KCTD16: variants seen among roughly 807,000 people sequenced by gnomAD.
KCTD16 encodes the protein BTB/POZ domain-containing protein KCTD16.
Under a neutral mutation model 33.2 loss-of-function variants are expected in KCTD16, and 13 were observed. That is an observed-to-expected ratio of 0.39 (90% CI 0.25 to 0.62). The LOEUF is 0.62. KCTD16 is among the 20% of genes least tolerant of loss of function. The pLI, the probability that KCTD16 is intolerant of heterozygous loss-of-function variation, is 0.50. For missense variants in KCTD16, 441 were observed against 525.1 expected, an observed-to-expected ratio of 0.84 and a Z score of 1.57; for synonymous variants, 197 against 195.3, an observed-to-expected ratio of 1.01 and a Z score of -0.07.
At chr5:144,398,708 A>ACTCTCT (rs367796082) in intron 3 of KCTD16, among the ~76,000 whole-genome samples, 16 of 145,532 alleles carry the variant, frequency 1.1e-4, no homozygotes, top group African/African-American at 3.0e-4. Flanking sequence ...ACACACACAC[A>ACTCTCT]CTCTCTCTCT....
chr5:144,278,736 A>G (rs2126852965), intron 3 of KCTD16, among the ~76,000 whole-genome samples: 1 of 151,838 alleles, frequency 6.6e-6, no homozygotes, highest in East Asian at 1.9e-4. Context: ...TGACCTCATG[A>G]TCCACCCGCC....
chr5:144,389,260 C>T (rs377245695), intron 3 of KCTD16, among the ~76,000 whole-genome samples: 1 of 152,174 alleles, frequency 6.6e-6, no homozygotes, highest in African/African-American at 2.4e-5. Context: ...CTATTAGGAA[C>T]TGGGCCACAC....
intron 3 of KCTD16, among the ~76,000 whole-genome samples, chr5:144,404,754 G>A (rs1752775765): frequency 6.6e-6 from 1 of 152,118 alleles, no homozygotes; most frequent in Admixed American, 6.6e-5. Context: ...GAGGTGGCAG[G>A]TTTGCTTGGT....
chr5:144,267,178 A>G (rs1306696149), intron 3 of KCTD16, among the ~76,000 whole-genome samples: 1 of 152,216 alleles, frequency 6.6e-6, no homozygotes, highest in Non-Finnish European at 1.5e-5. Flanking sequence ...GAAGATGAAT[A>G]AGATTGGCTA....
intron 3 of KCTD16, among the ~76,000 whole-genome samples, chr5:144,275,775 C>CA (rs1755422608): frequency 6.6e-6 from 1 of 152,098 alleles, no homozygotes; most frequent in Non-Finnish European, 1.5e-5. Flanking sequence ...AGGATCTGCT[C>CA]AAAAAACTTG....
chr5:144,401,836 A>G (rs1422013214), intron 3 of KCTD16, among the ~76,000 whole-genome samples: 1 of 152,220 alleles, frequency 6.6e-6, no homozygotes, highest in Non-Finnish European at 1.5e-5. Flanking sequence ...ATATGGAAAG[A>G]AGCTCAGTGA....
intron 3 of KCTD16, among the ~76,000 whole-genome samples, chr5:144,341,323 C>G (rs1476637123): frequency 6.6e-6 from 1 of 152,106 alleles, no homozygotes; most frequent in Non-Finnish European, 1.5e-5. Context: ...GCCATCCCAC[C>G]TTGCTCACTT....
intron 3 of KCTD16, among the ~76,000 whole-genome samples, chr5:144,438,886 C>T (rs914642261): frequency 6.6e-6 from 1 of 152,120 alleles, no homozygotes; most frequent in Admixed American, 6.6e-5. Context: ...GCCAAAAAGC[C>T]TGTAAGTCAC....
At chr5:144,435,165 T>C (rs1398789654) in intron 3 of KCTD16, among the ~76,000 whole-genome samples, 1 of 152,224 alleles carries the variant, frequency 6.6e-6, no homozygotes, top group Admixed American at 6.5e-5. Flanking sequence ...GATTATATTT[T>C]AAAAGCCCTG....
At chr5:144,283,458 T>C (rs1397729825) in intron 3 of KCTD16, among the ~76,000 whole-genome samples, 1 of 152,210 alleles carries the variant, frequency 6.6e-6, no homozygotes, top group East Asian at 1.9e-4. Flanking sequence ...TTTTATCCCA[T>C]ACTATGGACA....
chr5:144,312,404 C>T (rs1751790139), intron 3 of KCTD16, among the ~76,000 whole-genome samples: 1 of 152,148 alleles, frequency 6.6e-6, no homozygotes, highest in Admixed American at 6.6e-5. Context: ...AAGCTCCCTA[C>T]CTCCCTTCTA....
At chr5:144,190,700 A>G (rs1752824216) in intron 2 of KCTD16, among the ~76,000 whole-genome samples, 3 of 152,128 alleles carry the variant, frequency 2.0e-5, no homozygotes, top group African/African-American at 7.2e-5. Flanking sequence ...ACCCCTCCCC[A>G]GTAACATAGT....
In KCTD16 at chr5:144,209,783, G is replaced by A. The variant is rs186723352; in HGVS notation, c.832+2237G>A. Among the ~76,000 whole-genome samples, 20 of 122,354 alleles carry A rather than the reference G, an allele frequency of 1.6e-4. No homozygotes were observed. The Admixed American group carries it at 1.6e-3, about 10-fold the overall frequency. The allele number at this position is 122,354 out of a possible 152,430, so 80.3% of individuals were successfully genotyped here. A position where few individuals can be genotyped will look rare whatever the true frequency, so the allele number is the denominator to read the frequency against. On this transcript the variant is annotated intron_variant, in intron 3 of 3. Coordinates refer to ENST00000512467, the MANE Select transcript of KCTD16 (RefSeq NM_020768.4). ...AACTCAACTTCCTCCTGGGCTTAGG[G>A]GGAAATATATATATATATATATTTA... is the stretch of plus-strand genomic sequence containing the variant.
chr5:144,320,337 C>A (rs986989749), intron 3 of KCTD16, among the ~76,000 whole-genome samples: 20 of 152,138 alleles, frequency 1.3e-4, no homozygotes, highest in Admixed American at 1.2e-3. Context: ...ATTATAAATT[C>A]TTAGCAAGTG....
chr5:144,288,352 G>A (rs1755804594), intron 3 of KCTD16, among the ~76,000 whole-genome samples: 1 of 152,136 alleles, frequency 6.6e-6, no homozygotes, highest in South Asian at 2.1e-4. Flanking sequence ...AACTCCACAG[G>A]GCTCATCAAC....
chr5:144,342,542 C>T (rs1752674179), intron 3 of KCTD16, among the ~76,000 whole-genome samples: 1 of 152,140 alleles, frequency 6.6e-6, no homozygotes, highest in Admixed American at 6.5e-5. Flanking sequence ...AATTTGACTT[C>T]CTCTTTTCCT....
intron 2 of KCTD16, among the ~76,000 whole-genome samples, chr5:144,176,351 A>C (rs933666199): frequency 1.3e-5 from 2 of 151,934 alleles, no homozygotes; most frequent in Non-Finnish European, 2.9e-5. Context: ...GGCAAATGAA[A>C]TAATAGCCAT....
At chr5:144,204,037 T>G (rs1375062455) in intron 2 of KCTD16, among the ~76,000 whole-genome samples, 1 of 152,162 alleles carries the variant, frequency 6.6e-6, no homozygotes, top group Non-Finnish European at 1.5e-5. Flanking sequence ...CGAAACAAAG[T>G]CAAATATAAT....
intron 3 of KCTD16, among the ~76,000 whole-genome samples, chr5:144,320,228 T>G (rs1198525912): frequency 1.3e-5 from 2 of 152,168 alleles, no homozygotes; most frequent in Admixed American, 6.5e-5. Context: ...ACTATGTACA[T>G]TCTCTATGCA....
Sources: allele counts gnomAD v4.1 joint callset (sites outside exome capture counted in the v4.1 genomes callset), GRCh38; gene constraint gnomAD v4.1.1; transcripts MANE v1.5; gene names NCBI Gene and HGNC (gene_info 2026-07-23, HGNC 2026-07-21).